Variants in ARSJ observed in about 807,000 individuals in gnomAD.
The protein encoded by ARSJ is arylsulfatase J.
Under a neutral mutation model 35.9 loss-of-function variants are expected in ARSJ, and 26 were observed. The ratio of observed to expected loss-of-function variants is 0.72; its 90% CI spans 0.53 to 1.00. The LOEUF is 1.00. Ranked by LOEUF, ARSJ falls within the 50% of genes least tolerant of loss-of-function variation. The pLI is 0.00. For synonymous variants in ARSJ, 294 were observed against 267.6 expected, an observed-to-expected ratio of 1.10 and a Z score of -0.96; for missense variants, 667 against 723.6, an observed-to-expected ratio of 0.92 and a Z score of 0.90.
intron 1 of ARSJ, among the ~76,000 whole-genome samples, chr4:113,941,170 A>G (rs1725135982): frequency 6.6e-6 from 1 of 152,038 alleles, no homozygotes; most frequent in Non-Finnish European, 1.5e-5. Context: ...TAAACGTGAT[A>G]TGTGCAGCAA....
rs573375268 is a variant in ARSJ at position 113,901,873 on chromosome 4, A to C, written c.*401T>G. On this transcript the variant is annotated 3_prime_UTR_variant, in exon 2 of 2. Coordinates refer to ENST00000315366, the MANE Select transcript of ARSJ (RefSeq NM_024590.4). ...ATCATGCTACCCTGTAACTTCCATCAAATTAGCATGCTTGCGGATGGTATA... is the reference window on the plus strand; with the variant it reads ...ATCATGCTACCCTGTAACTTCCATCCAATTAGCATGCTTGCGGATGGTATA... The C allele has an allele frequency of 5.2e-5, 2 of 38,302 alleles. No homozygotes were observed. Among genetic ancestry groups the C allele is most frequent in the Non-Finnish European group, 1.2e-4 (1 of 8,524 alleles). The allele number at this position is 38,302 out of a possible 1,614,324, so 2.4% of individuals were successfully genotyped here.
intron 1 of ARSJ, among the ~76,000 whole-genome samples, chr4:113,959,568 A>G (rs1726410927): frequency 6.6e-6 from 1 of 152,030 alleles, no homozygotes; most frequent in Non-Finnish European, 1.5e-5. Context: ...ATCTTTTCTG[A>G]ATTTGTAACA....
intron 1 of ARSJ, among the ~76,000 whole-genome samples, chr4:113,905,970 G>T (rs2099668634): frequency 6.6e-6 from 1 of 151,932 alleles, no homozygotes; most frequent in South Asian, 2.1e-4. Flanking sequence ...ATAATTTTTG[G>T]TCCAGTCCAG....
Position 113,903,530 on chromosome 4 carries a change from A to G in ARSJ, c.544T>C (p.Tyr182His). The G allele has an allele frequency of 6.2e-7, 1 of 1,614,236 alleles. No homozygotes were observed. Among genetic ancestry groups the G allele is most frequent in the Non-Finnish European group, 8.5e-7 (1 of 1,180,038 alleles). Reference protein sequence around the residue: ...HMVGKWHLGFYRKECMPTRRG... With the variant: ...HMVGKWHLGFHRKECMPTRRG... ...CTGGTGGGCATGCATTCTTTTCTGT[A>G]AAAACCCAAGTGCCATTTTCCGACC... The change falls in exon 2 of 2, where the codon TAC becomes CAC. Residue 182 changes from tyrosine to histidine, a missense_variant. Coordinates refer to ENST00000315366, the MANE Select transcript of ARSJ (RefSeq NM_024590.4).
Position 113,903,251 on chromosome 4 carries a change from G to A in ARSJ, c.823C>T (p.Pro275Ser). ...YQAVHSPLQA[P>S]GRYFEHYRSI... ...CGGTAGTGTTCGAAATACCTGCCAG[G>A]AGCTTGCAGTGGTGAATGAACAGCT... Residue 275 changes from proline to serine, a missense_variant, in exon 2 of 2, where the codon CCT becomes TCT. Physicochemically the swap from Pro to Ser is moderately conservative, Grantham distance 74 (BLOSUM62 -1). Transcript: ENST00000315366. 2 of 1,614,156 alleles carry A rather than the reference G, an allele frequency of 1.2e-6. No homozygotes were observed. Among genetic ancestry groups the A allele is most frequent in the Non-Finnish European group, 1.7e-6 (2 of 1,180,020 alleles).
intron 1 of ARSJ, among the ~76,000 whole-genome samples, chr4:113,930,518 C>A (rs977054725): frequency 6.6e-6 from 1 of 152,104 alleles, no homozygotes; most frequent in Admixed American, 6.6e-5. Flanking sequence ...CAAACTGACA[C>A]CCCATATTAA....
intron 1 of ARSJ, among the ~76,000 whole-genome samples, chr4:113,958,131 G>C (rs1167030019): frequency 6.6e-6 from 1 of 152,030 alleles, no homozygotes; most frequent in Non-Finnish European, 1.5e-5. Context: ...TCCAGCTGTT[G>C]CCACTGCCTG....
chr4:113,925,286 T>C (rs186284806), intron 1 of ARSJ, among the ~76,000 whole-genome samples: 150 of 152,172 alleles, frequency 9.9e-4, no homozygotes, highest in African/African-American at 3.6e-3. Context: ...GTAAGATCTC[T>C]AGGCCAGCAG....
chr4:113,975,527 C>T (rs887889266), intron 1 of ARSJ, among the ~76,000 whole-genome samples: 5 of 152,114 alleles, frequency 3.3e-5, no homozygotes, highest in South Asian at 4.1e-4. Context: ...AAATCAAACA[C>T]AGGCAGTCAC....
intron 1 of ARSJ, among the ~76,000 whole-genome samples, chr4:113,932,883 C>A (rs755810112): frequency 2.6e-5 from 4 of 151,546 alleles, no homozygotes; most frequent in Non-Finnish European, 5.9e-5. Context: ...TAAAATTGAG[C>A]TAACAAAACA....
chr4:113,921,055 C>T (rs1723641600), intron 1 of ARSJ, among the ~76,000 whole-genome samples: 1 of 149,818 alleles, frequency 6.7e-6, no homozygotes, highest in South Asian at 2.1e-4. Flanking sequence ...AGAGAGAGTG[C>T]AGTATATTGT....
At chr4:113,964,078 A>G (rs948519371) in intron 1 of ARSJ, among the ~76,000 whole-genome samples, 1 of 152,088 alleles carries the variant, frequency 6.6e-6, no homozygotes, top group Admixed American at 6.6e-5. Context: ...GAACCATTGA[A>G]TTATTTTAAT....
intron 1 of ARSJ, among the ~76,000 whole-genome samples, chr4:113,928,717 T>C (rs1724236201): frequency 6.6e-6 from 1 of 152,208 alleles, no homozygotes; most frequent in Non-Finnish European, 1.5e-5. Flanking sequence ...TGAGTCACTG[T>C]GGTTCCCACT....
intron 1 of ARSJ, among the ~76,000 whole-genome samples, chr4:113,927,444 G>C (rs115896356): frequency 0.021 from 3,125 of 152,316 alleles, 101 homozygotes; most frequent in African/African-American, 0.069. Context: ...ATATCTTGCA[G>C]AAGCAAGAAG....
chr4:113,940,441 G>C (rs1363993568), intron 1 of ARSJ, among the ~76,000 whole-genome samples: 2 of 151,890 alleles, frequency 1.3e-5, no homozygotes, highest in Non-Finnish European at 2.9e-5. Context: ...CTGAACAATA[G>C]GAACACATGA....
chr4:113,909,025 G>T (rs2099669634), intron 1 of ARSJ, among the ~76,000 whole-genome samples: 1 of 152,014 alleles, frequency 6.6e-6, no homozygotes, highest in Admixed American at 6.6e-5. Context: ...CAAAGATGAT[G>T]GTGGCTTGGA....
At chr4:113,951,874 T>G (rs971828247) in intron 1 of ARSJ, among the ~76,000 whole-genome samples, 28 of 152,202 alleles carry the variant, frequency 1.8e-4, no homozygotes, top group African/African-American at 6.7e-4. Context: ...ATTGAATAAC[T>G]GCCCTTAGGT....
rs1370941047 is a variant in ARSJ, at chr4:113,902,482, A to G, written c.1592T>C (p.Val531Ala). 6.2e-7 allele frequency: 1 copy of G among 1,614,048 alleles called. No individual in the cohort carries two copies. The highest frequency in any genetic ancestry group is 1.7e-5 in the Admixed American group (1 of 60,014). The change falls in exon 2 of 2, where the codon GTG (valine) becomes GCG (alanine). Residue 531 changes from valine to alanine, a missense_variant. By Grantham distance (64) the Val-to-Ala change is moderately conservative. Coordinates refer to ENST00000315366, the MANE Select transcript of ARSJ (RefSeq NM_024590.4). ...RRLSQFNKTA[V>A]PVRYPPKDPR... Reference sequence around the variant, plus strand: ...GTCTTTGGGGGGATACCTGACCGGCACTGCAGTTTTGTTGAACTGTGAGAG... The same window carrying G: ...GTCTTTGGGGGGATACCTGACCGGCGCTGCAGTTTTGTTGAACTGTGAGAG...
At position 113,902,650 on chromosome 4, in the gene ARSJ, A is replaced by G; in HGVS notation, c.1424T>C (p.Leu475Pro). ...DWVPPQSFSN[L>P]GPNRWHNERI... ...TTCATTGTGCCACCGGTTCGGTCCC[A>G]GGTTGCTGAAAGACTGAGGGGGGAC... Residue 475 changes from leucine (L) to proline (P), a missense_variant, in exon 2 of 2, where the codon CTG becomes CCG. Physicochemically the swap from Leu to Pro is moderately conservative, Grantham distance 98 (BLOSUM62 -3). Transcript: ENST00000315366. 1 of 1,614,182 alleles carries G rather than the reference A, an allele frequency of 6.2e-7. No individual in the cohort carries two copies. The highest frequency in any genetic ancestry group is 8.5e-7 in the Non-Finnish European group (1 of 1,180,034).
Sources: allele counts gnomAD v4.1 joint callset (sites outside exome capture counted in the v4.1 genomes callset), GRCh38; gene constraint gnomAD v4.1.1; transcripts MANE v1.5; gene names NCBI Gene and HGNC (gene_info 2026-07-23, HGNC 2026-07-21).